SCFD1: variants seen among roughly 807,000 people sequenced by gnomAD.
SCFD1 encodes sec1 family domain containing 1.
Under a neutral mutation model 103.2 loss-of-function variants are expected in SCFD1, and 37 were observed. The ratio of observed to expected loss-of-function variants is 0.36; its 90% CI spans 0.28 to 0.47. The LOEUF (loss-of-function observed/expected upper bound fraction) is 0.47. Ranked by LOEUF, SCFD1 falls within the 20% of genes least tolerant of loss-of-function variation. The probability of loss-of-function intolerance (pLI) is 1.00; values close to 1 mark genes in which losing one functional copy is unlikely to be tolerated. For missense variants in SCFD1, 639 were observed against 761.2 expected, an observed-to-expected ratio of 0.84 and a Z score of 1.89; for synonymous variants, 264 against 245.0, an observed-to-expected ratio of 1.08 and a Z score of -0.73.
intron 7 of SCFD1, chr14:30,643,945 A>G: frequency 4.4e-6 from 2 of 456,634 alleles, no homozygotes; most frequent in Non-Finnish European, 8.8e-6. Context: ...TTTGGTGTAC[A>G]AATGAATTCG....
chr14:30,627,395 G>A (rs1179483019), intron 1 of SCFD1, among the ~76,000 whole-genome samples: 2 of 152,214 alleles, frequency 1.3e-5, no homozygotes, highest in African/African-American at 4.8e-5. Flanking sequence ...AGACAGATCT[G>A]TATGAAGGTT....
intron 15 of SCFD1, among the ~76,000 whole-genome samples, chr14:30,696,501 G>A (rs1037723879): frequency 2.6e-5 from 4 of 152,168 alleles, no homozygotes; most frequent in Non-Finnish European, 5.9e-5. Flanking sequence ...GAGCAAGGTA[G>A]GCATTCTTGC....
chr14:30,656,628 A>G (rs1382492502), intron 10 of SCFD1, among the ~76,000 whole-genome samples: 4 of 152,138 alleles, frequency 2.6e-5, no homozygotes, highest in Admixed American at 6.5e-5. Context: ...GGCTGACAAC[A>G]TGAGTTTCAA....
intron 14 of SCFD1, among the ~76,000 whole-genome samples, chr14:30,691,167 T>A (rs575014766): frequency 3.3e-5 from 5 of 152,366 alleles, no homozygotes; most frequent in African/African-American, 1.2e-4. Context: ...CTGTACTACT[T>A]CTACTCTGGT....
rs1884935001 is a variant in SCFD1 at position 30,638,321 on chromosome 14, A to G, written c.435+74A>G. On this transcript the variant is annotated intron_variant, in intron 5 of 24. Transcript: ENST00000458591. ...CACTGTTCTGAAACCCGTAGTTGGCATAGATATCTATTTGACAGATGACCA... is the reference window on the plus strand; with the variant it reads ...CACTGTTCTGAAACCCGTAGTTGGCGTAGATATCTATTTGACAGATGACCA... 17 of 1,596,058 alleles carry G rather than the reference A, an allele frequency of 1.1e-5. No individual in the cohort carries two copies. In the South Asian group the frequency reaches 1.3e-4, roughly 13 times the overall value.
At chr14:30,639,181 T>C (rs1885026367) in intron 5 of SCFD1, among the ~76,000 whole-genome samples, 1 of 152,078 alleles carries the variant, frequency 6.6e-6, no homozygotes, top group South Asian at 2.1e-4. Flanking sequence ...ACCCAGCTAA[T>C]TTTTTTAATA....
intron 21 of SCFD1, 85 bp downstream of exon 21, chr14:30,719,462 TA>T: frequency 1.1e-6 from 1 of 905,412 alleles, no homozygotes. Flanking sequence ...TACTGCTTAT[TA>T]AAAATCCAAA....
intron 4 of SCFD1, among the ~76,000 whole-genome samples, chr14:30,634,585 C>CT (rs1443788672): frequency 6.6e-6 from 1 of 152,126 alleles, no homozygotes; most frequent in Non-Finnish European, 1.5e-5. Flanking sequence ...CTGGTAAAGT[C>CT]TGAGTCTGGC....
At chr14:30,650,912 C>T (rs576832253) in intron 9 of SCFD1, among the ~76,000 whole-genome samples, 59 of 152,062 alleles carry the variant, frequency 3.9e-4, no homozygotes, top group African/African-American at 1.4e-3. Flanking sequence ...GGTCAGAAGC[C>T]ATTTTCTTTC....
Position 30,650,511 on chromosome 14 carries a change from C to T in SCFD1, c.670-54C>T, listed in dbSNP as rs924399180. On this transcript the variant is annotated intron_variant, in intron 8 of 24. Coordinates refer to ENST00000458591, the MANE Select transcript of SCFD1 (RefSeq NM_016106.4). ...AACTAAAAACACATTTTGAATTAAC[C>T]TCCATAAAGTTATATGAAACTGTTA... is the stretch of plus-strand genomic sequence containing the variant. 2.6e-5 allele frequency: 26 copies of T among 1,015,730 alleles called. No individual in the cohort carries two copies. The African/African-American group carries it at 2.8e-4, about 11-fold the overall frequency. The allele number at this position is 1,015,730 out of a possible 1,614,324, so 62.9% of individuals were successfully genotyped here.
chr14:30,634,230 T>C (rs560330436), intron 4 of SCFD1, among the ~76,000 whole-genome samples, 193 bp downstream of exon 4: 135 of 152,296 alleles, frequency 8.9e-4, no homozygotes, highest in African/African-American at 3.1e-3. Context: ...TATTATACAG[T>C]AGTCCTCTCA....
intron 10 of SCFD1, among the ~76,000 whole-genome samples, chr14:30,659,308 T>TC (rs1377314964): frequency 6.6e-6 from 1 of 151,970 alleles, no homozygotes; most frequent in Non-Finnish European, 1.5e-5. Flanking sequence ...TAATATAGGA[T>TC]CATGTAATCA....
chr14:30,721,774 A>G, intron 21 of SCFD1, 110 bp from the exon 22 acceptor site: 1 of 891,892 alleles, frequency 1.1e-6, no homozygotes, highest in Non-Finnish European at 1.8e-6. Flanking sequence ...TGAAGGAGGT[A>G]GAATTGTAAA....
chr14:30,716,470 C>G (rs1433723105), intron 20 of SCFD1, among the ~76,000 whole-genome samples: 1 of 152,110 alleles, frequency 6.6e-6, no homozygotes, highest in Admixed American at 6.5e-5. Flanking sequence ...GGGTCAATAC[C>G]GTTAGCATTG....
chr14:30,661,534 T>A (rs1566607996), intron 10 of SCFD1, among the ~76,000 whole-genome samples: 1 of 152,108 alleles, frequency 6.6e-6, no homozygotes, highest in Non-Finnish European at 1.5e-5. Context: ...TTCTCTAGAG[T>A]AAAGCTTCTG....
chr14:30,674,644 A>AG (rs1566621913), intron 13 of SCFD1, among the ~76,000 whole-genome samples: 1 of 128,680 alleles, frequency 7.8e-6, no homozygotes, highest in African/African-American at 3.6e-5. Context: ...ACTCTGTCTC[A>AG]AAAAAAAGAA....
intron 10 of SCFD1, among the ~76,000 whole-genome samples, chr14:30,665,475 CT>C (rs1469091070): frequency 6.6e-6 from 1 of 152,204 alleles, no homozygotes; most frequent in Non-Finnish European, 1.5e-5. Context: ...TAGGAAGAAA[CT>C]GCATCAGCTA....
chr14:30,714,459 T>A (rs1025476083), intron 19 of SCFD1, among the ~76,000 whole-genome samples: 1 of 152,198 alleles, frequency 6.6e-6, no homozygotes, highest in African/African-American at 2.4e-5. Context: ...CATTTGATGC[T>A]TGTATTTATA....
intron 7 of SCFD1, among the ~76,000 whole-genome samples, chr14:30,647,729 C>T (rs1277653754): frequency 1.3e-5 from 2 of 152,178 alleles, no homozygotes; most frequent in Admixed American, 6.5e-5. Context: ...GGTTGCACTG[C>T]AACCTCTGCC....
Sources: allele counts gnomAD v4.1 joint callset (sites outside exome capture counted in the v4.1 genomes callset), GRCh38; gene constraint gnomAD v4.1.1; transcripts MANE v1.5; gene names NCBI Gene and HGNC (gene_info 2026-07-23, HGNC 2026-07-21).